FMNL2: variants seen among roughly 807,000 people sequenced by gnomAD.
The protein encoded by FMNL2 is formin-like protein 2.
A neutral mutation model predicts 130.2 loss-of-function variants in FMNL2; 51 were observed. The ratio of observed to expected loss-of-function variants is 0.39; its 90% confidence interval spans 0.31 to 0.49. The LOEUF (loss-of-function observed/expected upper bound fraction) is 0.49, where lower values mean the gene tolerates loss of function less well. Ranked by LOEUF, FMNL2 falls within the 20% of genes least tolerant of loss-of-function variation. The probability of loss-of-function intolerance (pLI) is 0.85; values close to 1 mark genes in which losing one functional copy is unlikely to be tolerated. For missense variants in FMNL2, 977 were observed against 1,316.2 expected, an observed-to-expected ratio of 0.74 and a Z score of 3.99; for synonymous variants, 465 against 467.1, an observed-to-expected ratio of 1.00 and a Z score of 0.06.
At chr2:152,522,989 C>G (rs1191704887) in intron 2 of FMNL2, among the ~76,000 whole-genome samples, 1 of 152,116 alleles carries the variant, frequency 6.6e-6, no homozygotes, top group African/African-American at 2.4e-5. Flanking sequence ...ATCCAACATA[C>G]AGGACACCCC....
intron 21 of FMNL2, 86 bp downstream of exon 21, chr2:152,632,223 AG>A (rs1682223259): frequency 6.6e-7 from 1 of 1,519,246 alleles, no homozygotes; most frequent in Non-Finnish European, 8.8e-7. Flanking sequence ...AACACTTTTC[AG>A]AACCCATTTA....
At chr2:152,398,245 A>G (rs968325985) in intron 1 of FMNL2, among the ~76,000 whole-genome samples, 9 of 152,228 alleles carry the variant, frequency 5.9e-5, no homozygotes, top group African/African-American at 2.2e-4. Flanking sequence ...GAATAAGGCA[A>G]ATTCCATATT....
At position 152,637,562 on chromosome 2, in the gene FMNL2, C is replaced by T. The variant is rs1682726724; in HGVS notation, c.2845-11C>T. 6.2e-7 allele frequency: 1 copy of T among 1,612,860 alleles called. No individual in the cohort carries two copies. Among genetic ancestry groups the T allele is most frequent in the Non-Finnish European group, 8.5e-7 (1 of 1,178,852 alleles). ...ACTAATGAAACTCAAGAAAAATTTG[C>T]TTCTTCACAGGATGCCTTTGATGAT... On this transcript the variant is annotated splice_polypyrimidine_tract_variant and intron_variant, in intron 22 of 25. Transcript: ENST00000288670.
At chr2:152,423,822 G>T (rs1579629388) in intron 1 of FMNL2, among the ~76,000 whole-genome samples, 1 of 152,104 alleles carries the variant, frequency 6.6e-6, no homozygotes, top group Non-Finnish European at 1.5e-5. Context: ...AAGGTCCTTG[G>T]TGAAGGTCTG....
At chr2:152,490,538 G>A (rs1236336951) in intron 1 of FMNL2, among the ~76,000 whole-genome samples, 1 of 149,006 alleles carries the variant, frequency 6.7e-6, no homozygotes, top group African/African-American at 2.5e-5. Flanking sequence ...TGTGCAGGCT[G>A]CAGATGCTTC....
intron 3 of FMNL2, among the ~76,000 whole-genome samples, chr2:152,544,735 A>C (rs1445097118): frequency 6.6e-6 from 1 of 152,160 alleles, no homozygotes; most frequent in Non-Finnish European, 1.5e-5. Context: ...AATAGAAAGG[A>C]AAAAATATGC....
intron 2 of FMNL2, among the ~76,000 whole-genome samples, chr2:152,526,098 G>C (rs973907090): frequency 6.6e-6 from 1 of 151,788 alleles, no homozygotes; most frequent in Non-Finnish European, 1.5e-5. Flanking sequence ...TATTTTTTTT[G>C]AAAGTGTTCA....
At chr2:152,582,270 C>T (rs1696832866) in intron 9 of FMNL2, among the ~76,000 whole-genome samples, 1 of 152,102 alleles carries the variant, frequency 6.6e-6, no homozygotes, top group Admixed American at 6.6e-5. Flanking sequence ...GGAGCTATTT[C>T]CCCTGCCTCC....
chr2:152,514,638 A>G (rs547765801), intron 1 of FMNL2, among the ~76,000 whole-genome samples: 97 of 152,296 alleles, frequency 6.4e-4, no homozygotes, highest in African/African-American at 2.1e-3. Context: ...TTTCCTACAT[A>G]TACATACCTA....
intron 1 of FMNL2, among the ~76,000 whole-genome samples, chr2:152,451,364 G>A (rs1268477462): frequency 2.6e-5 from 4 of 152,000 alleles, no homozygotes; most frequent in African/African-American, 9.7e-5. Flanking sequence ...TGGCCAGGCT[G>A]GTCTCGAACT....
chr2:152,593,902 TGAGAGAGAGAGA>T (rs143746034), intron 9 of FMNL2, among the ~76,000 whole-genome samples: 8 of 81,568 alleles, frequency 9.8e-5, no homozygotes, highest in Non-Finnish European at 1.7e-4. Flanking sequence ...TGTGTGTGTG[TGAGAGAGAGAGA>T]GAGAGAGAGA....
chr2:152,600,731 C>CT (rs34566823), intron 9 of FMNL2, among the ~76,000 whole-genome samples: 83,321 of 147,598 alleles, frequency 0.56, 25,722 homozygotes, highest in Non-Finnish European at 0.7. Flanking sequence ...ATAGTTGGAG[C>CT]TTTTTTTTTT....
At chr2:152,350,115 A>G (rs1682391812) in intron 1 of FMNL2, among the ~76,000 whole-genome samples, 1 of 152,082 alleles carries the variant, frequency 6.6e-6, no homozygotes, top group African/African-American at 2.4e-5. Context: ...GGGATATGTG[A>G]AGTGGTGTCA....
intron 1 of FMNL2, among the ~76,000 whole-genome samples, chr2:152,486,556 A>G (rs1178149323): frequency 6.6e-6 from 1 of 152,204 alleles, no homozygotes; most frequent in Non-Finnish European, 1.5e-5. Flanking sequence ...AACCCTTCTT[A>G]TTCACTTTCT....
chr2:152,546,275 G>A (rs1694626515), intron 3 of FMNL2, among the ~76,000 whole-genome samples: 1 of 152,138 alleles, frequency 6.6e-6, no homozygotes, highest in Non-Finnish European at 1.5e-5. Context: ...CAGTTCTTTA[G>A]GCTGTACAGG....
chr2:152,411,102 GA>G (rs1686261263), intron 1 of FMNL2, among the ~76,000 whole-genome samples: 1 of 152,090 alleles, frequency 6.6e-6, no homozygotes, highest in South Asian at 2.1e-4. Flanking sequence ...TTTCCTATTA[GA>G]AAAAACATAT....
chr2:152,560,352 A>G (rs1444315368), intron 5 of FMNL2, among the ~76,000 whole-genome samples: 1 of 152,204 alleles, frequency 6.6e-6, no homozygotes, highest in African/African-American at 2.4e-5. Context: ...CAACAGTCTT[A>G]CTTTAAAGAG....
Position 152,578,959 on chromosome 2 carries a change from T to G in FMNL2, c.777T>G (p.Asn259Lys). The change falls in exon 8 of 26, where the codon AAT becomes AAG. Residue 259 changes from asparagine to lysine, a missense_variant. This residue lies in a region of FMNL2 where 689 missense variants were observed against 995.9 expected (regional missense o/e 0.69). Transcript: ENST00000288670. ...NEIALSLNNK[N>K]PRTKALVLEL... ...TTGCACTAAGCCTGAACAACAAGAA[T>G]CCCAGGTAAGCTGCTTTTGTAGTAC... The G allele has an allele frequency of 6.2e-7, 1 of 1,612,914 alleles. No homozygotes were observed. Among genetic ancestry groups the G allele is most frequent in the Non-Finnish European group, 8.5e-7 (1 of 1,179,260 alleles).
intron 1 of FMNL2, among the ~76,000 whole-genome samples, chr2:152,460,800 T>A (rs1321280914): frequency 3.3e-5 from 5 of 152,226 alleles, no homozygotes; most frequent in African/African-American, 9.6e-5. Context: ...GATGATCTGT[T>A]ACCGTCTCCC....
Sources: allele counts gnomAD v4.1 joint callset (sites outside exome capture counted in the v4.1 genomes callset), GRCh38; gene constraint gnomAD v4.1.1; regional missense constraint gnomAD v4.1.1; transcripts MANE v1.5; gene names NCBI Gene and HGNC (gene_info 2026-07-23, HGNC 2026-07-21).